Variants in SPATA9 observed in about 807,000 individuals in gnomAD.
SPATA9 encodes the protein spermatogenesis associated 9, also known as spermatogenesis-associated protein 9.
In SPATA9, 27 loss-of-function variants were observed where a neutral mutation model predicts 25.5. The observed-to-expected ratio is 1.06, with a 90% CI of 0.78 to 1.46. The LOEUF is 1.46. Among genes scored for constraint, SPATA9 ranks in the 40% most tolerant of loss-of-function variants. The probability of loss-of-function intolerance (pLI) is 0.00; values close to 1 mark genes in which losing one functional copy is unlikely to be tolerated. For missense variants in SPATA9, 282 were observed against 297.5 expected (o/e 0.95, Z 0.38); for synonymous variants, 102 against 105.7 (o/e 0.97, Z 0.21).
At chr5:95,699,120 T>C (rs1282272271), upstream of SPATA9, among the ~76,000 whole-genome samples, 1 of 152,228 alleles carries the variant, frequency 6.6e-6, no homozygotes, top group Non-Finnish European at 1.5e-5. Flanking sequence ...GTTGAGGTTC[T>C]GCTGGGTATA....
At chr5:95,659,091 A>C (rs1751008037) in intron 4 of SPATA9, among the ~76,000 whole-genome samples, 178 bp from the exon 5 acceptor site, 2 of 152,176 alleles carry the variant, frequency 1.3e-5, no homozygotes, top group Admixed American at 1.3e-4. Flanking sequence ...ATTGTTCTAA[A>C]TAATACATTA....
At chr5:95,691,564 G>GT (rs139195049) in intron 1 of SPATA9, among the ~76,000 whole-genome samples, 1 of 151,958 alleles carries the variant, frequency 6.6e-6, no homozygotes. Flanking sequence ...TTGTAGTAGT[G>GT]TTTTTTTCCT....
At chr5:95,731,344 G>A in the SPATA9 span, 2 of 1,115,794 alleles carry the variant, frequency 1.8e-6, no homozygotes, top group Admixed American at 5.1e-5. Flanking sequence ...GCAGCAGGAG[G>A]CGACAGCTGC....
downstream of SPATA9, chr5:95,652,309 C>T (rs1177188993): frequency 6.4e-7 from 1 of 1,551,046 alleles, no homozygotes; most frequent in Non-Finnish European, 8.7e-7. Flanking sequence ...AGACCTTCTT[C>T]CTTATCTACA....
At chr5:95,711,162 A>G in the SPATA9 span, among the ~76,000 whole-genome samples, 25 of 152,176 alleles carry the variant, frequency 1.6e-4, no homozygotes, top group Non-Finnish European at 2.8e-4. Flanking sequence ...AAAATCGTCC[A>G]AAGTTCTCGT....
chr5:95,697,979 A>T (rs1164804621), intron 1 of SPATA9, among the ~76,000 whole-genome samples: 4 of 151,956 alleles, frequency 2.6e-5, no homozygotes, highest in Non-Finnish European at 5.9e-5. Flanking sequence ...TTCAGTAAGC[A>T]GCAGAAGTGC....
chr5:95,695,260 A>G (rs1753986035), intron 1 of SPATA9, among the ~76,000 whole-genome samples: 1 of 152,224 alleles, frequency 6.6e-6, no homozygotes, highest in Non-Finnish European at 1.5e-5. Flanking sequence ...TGTCAAGTCA[A>G]TATTTGTATT....
At chr5:95,700,594 G>C (rs1754156258), upstream of SPATA9, among the ~76,000 whole-genome samples, 2 of 148,070 alleles carry the variant, frequency 1.4e-5, no homozygotes, top group African/African-American at 2.5e-5. Flanking sequence ...CACCGCGCCT[G>C]GCCAAAAATT....
chr5:95,702,596 C>A (rs1754205866), upstream of SPATA9, among the ~76,000 whole-genome samples: 1 of 152,134 alleles, frequency 6.6e-6, no homozygotes, highest in East Asian at 1.9e-4. Context: ...TAGTCAGAGG[C>A]CAGGCACAGT....
intron 2 of SPATA9, among the ~76,000 whole-genome samples, chr5:95,678,898 T>C (rs977430249): frequency 6.6e-6 from 1 of 152,160 alleles, no homozygotes; most frequent in Non-Finnish European, 1.5e-5. Context: ...AACACATTCT[T>C]CAAAGGAAAT....
downstream of SPATA9, chr5:95,655,969 T>C: frequency 7.2e-7 from 1 of 1,379,748 alleles, no homozygotes; most frequent in South Asian, 1.3e-5. Context: ...AACCTGGTTC[T>C]TCTGCAGCAG....
intron 2 of SPATA9, among the ~76,000 whole-genome samples, 161 bp from the exon 3 acceptor site, chr5:95,675,800 C>T (rs572310416): frequency 1.3e-5 from 2 of 149,280 alleles, no homozygotes; most frequent in African/African-American, 4.9e-5. Context: ...CCCTTGAATT[C>T]CCTGCCATGT....
chr5:95,674,584 A>T (rs1320661996), intron 3 of SPATA9: 1 of 261,794 alleles, frequency 3.8e-6, no homozygotes, highest in African/African-American at 2.3e-5. Flanking sequence ...TTATCTTGCA[A>T]CTATGAGGGG....
At chr5:95,657,464 A>T (rs1389970392), downstream of SPATA9, 1 of 151,800 alleles carries the variant, frequency 6.6e-6, no homozygotes, top group East Asian at 2.0e-4. Flanking sequence ...TGAGTAGATG[A>T]TGAATTCAGA....
At chr5:95,729,372 GTAAC>G in the SPATA9 span, among the ~76,000 whole-genome samples, 1 of 152,120 alleles carries the variant, frequency 6.6e-6, no homozygotes, top group Non-Finnish European at 1.5e-5. Context: ...CACCTATTGA[GTAAC>G]TAAGGAAAAA....
At chr5:95,674,030 G>A (rs184885201) in intron 3 of SPATA9, among the ~76,000 whole-genome samples, 1 of 152,242 alleles carries the variant, frequency 6.6e-6, no homozygotes, top group East Asian at 1.9e-4. Flanking sequence ...ATGAGCCACA[G>A]CTATGTTTAT....
At chr5:95,665,798 A>G (rs1368852634) in intron 3 of SPATA9, among the ~76,000 whole-genome samples, 3 of 152,126 alleles carry the variant, frequency 2.0e-5, no homozygotes, top group African/African-American at 7.2e-5. Context: ...GTGAAACCCC[A>G]TCTCTACTAA....
At chr5:95,659,157 C>A (rs1367403948) in intron 4 of SPATA9, 5 of 371,788 alleles carry the variant, frequency 1.3e-5, no homozygotes, top group East Asian at 4.2e-5. Flanking sequence ...TGTTTTACAT[C>A]TTTTCCCCCC....
chr5:95,710,209 C>T, the SPATA9 span, among the ~76,000 whole-genome samples: 1 of 152,170 alleles, frequency 6.6e-6, no homozygotes, highest in Non-Finnish European at 1.5e-5. Context: ...GTGGCGTCCA[C>T]CTTCTCTAGG....
Sources: gnomAD v4.1 joint callset for allele counts (sites outside exome capture counted in the v4.1 genomes callset) on GRCh38, gnomAD v4.1.1 for gene constraint, MANE v1.5 for transcripts, NCBI Gene and HGNC (gene_info 2026-07-23, HGNC 2026-07-21) for gene names.